UCK2: variants seen among roughly 807,000 people sequenced by gnomAD.
UCK2 encodes the protein uridine-cytidine kinase 2.
In UCK2, 6 loss-of-function variants were observed where a neutral mutation model predicts 30.8. That is an observed-to-expected ratio of 0.19 (90% CI 0.11 to 0.38). The LOEUF (loss-of-function observed/expected upper bound fraction) is 0.38, where lower values mean the gene tolerates loss of function less well. UCK2 is among the 10% of genes least tolerant of loss of function. UCK2 has a pLI of 1.00. For synonymous variants in UCK2, 125 were observed against 133.6 expected (o/e 0.94, Z 0.45); for missense variants, 210 against 339.8 (o/e 0.62, Z 3.00).
chr1:165,865,210 A>G (rs1264022158), intron 1 of UCK2, among the ~76,000 whole-genome samples: 4 of 152,166 alleles, frequency 2.6e-5, no homozygotes, highest in African/African-American at 9.7e-5. Context: ...TCCTAAGTTA[A>G]TTTTTTGTTG....
intron 1 of UCK2, among the ~76,000 whole-genome samples, chr1:165,873,353 A>G (rs1023349014): frequency 1.3e-5 from 2 of 152,232 alleles, no homozygotes; most frequent in African/African-American, 4.8e-5. Flanking sequence ...TCTTGGACAC[A>G]AGCTACCATG....
At position 165,911,063 on chromosome 1, in the gene UCK2, T is replaced by C. The variant is rs945710167; in HGVS notation, c.*3240T>C. On this transcript the variant is annotated 3_prime_UTR_variant, in exon 7 of 7. Transcript: ENST00000367879. Reference sequence around the variant, plus strand: ...TGACCTGCACTGGCCCTCACAGCTGTTGGAGGGAAGTAGCCTCTTGCAGGG... The same window carrying C: ...TGACCTGCACTGGCCCTCACAGCTGCTGGAGGGAAGTAGCCTCTTGCAGGG... The C allele has an allele frequency of 2.0e-5, 3 of 152,260 alleles. No individual in the cohort carries two copies. The highest frequency in any genetic ancestry group is 7.2e-5 in the African/African-American group (3 of 41,442). The allele number at this position is 152,260 out of a possible 1,614,324, so 9.4% of individuals were successfully genotyped here. A position where few individuals can be genotyped will look rare whatever the true frequency, so the allele number is the denominator to read the frequency against.
intron 4 of UCK2, among the ~76,000 whole-genome samples, chr1:165,897,369 G>A (rs948470619): frequency 6.6e-6 from 1 of 152,172 alleles, no homozygotes; most frequent in African/African-American, 2.4e-5. Context: ...CTAGACGAGA[G>A]GCAGGGCTGT....
At chr1:165,893,592 A>G (rs1379378895) in intron 3 of UCK2, among the ~76,000 whole-genome samples, 1 of 152,224 alleles carries the variant, frequency 6.6e-6, no homozygotes, top group Non-Finnish European at 1.5e-5. Context: ...TTTCCCCATA[A>G]GCCAAATGAG....
intron 3 of UCK2, chr1:165,891,550 G>A (rs1310258795): frequency 6.0e-5 from 29 of 480,004 alleles, no homozygotes; most frequent in Non-Finnish European, 9.7e-5. Context: ...CTGTTGTCAC[G>A]ATTCCTTAAC....
rs1357846760 is a variant in UCK2, at chr1:165,909,140, A to C, written c.*1317A>C. On this transcript the variant is annotated 3_prime_UTR_variant, in exon 7 of 7. Coordinates refer to ENST00000367879, the MANE Select transcript of UCK2 (RefSeq NM_012474.5). The stretch of plus-strand genomic sequence containing the variant: ...TGAGGTTGAAATATTTGGGGTGGAG[A>C]TTTCTAGCTTTCCTGAGAGCTGCTG... The C allele has an allele frequency of 6.6e-6, 1 of 151,926 alleles. No homozygotes were observed. Among genetic ancestry groups the C allele is most frequent in the Non-Finnish European group, 1.5e-5 (1 of 67,970 alleles). The allele number at this position is 151,926 out of a possible 1,614,324, so 9.4% of individuals were successfully genotyped here.
At chr1:165,869,124 C>T (rs1267734849) in intron 1 of UCK2, among the ~76,000 whole-genome samples, 6 of 152,116 alleles carry the variant, frequency 3.9e-5, no homozygotes, top group African/African-American at 1.2e-4. Context: ...ATTCAATTTG[C>T]CATTTTATAT....
intron 1 of UCK2, among the ~76,000 whole-genome samples, chr1:165,888,963 A>G (rs1484068305): frequency 6.6e-6 from 1 of 152,180 alleles, no homozygotes; most frequent in Non-Finnish European, 1.5e-5. Flanking sequence ...CCTTTTACGA[A>G]GAGTATATTG....
intron 1 of UCK2, among the ~76,000 whole-genome samples, chr1:165,830,662 C>G (rs551026833): frequency 6.6e-6 from 1 of 152,162 alleles, no homozygotes; most frequent in Non-Finnish European, 1.5e-5. Context: ...CCATGTTGCC[C>G]AAGCTTGTTT....
At chr1:165,844,409 C>T (rs944373292) in intron 1 of UCK2, among the ~76,000 whole-genome samples, 16 of 152,322 alleles carry the variant, frequency 1.1e-4, no homozygotes, top group Non-Finnish European at 5.9e-5. Context: ...CACAGAGCTC[C>T]TAAAACCCTG....
intron 4 of UCK2, among the ~76,000 whole-genome samples, chr1:165,896,541 G>A (rs1290233909): frequency 1.3e-5 from 2 of 152,236 alleles, no homozygotes; most frequent in African/African-American, 4.8e-5. Context: ...GAAGGGATTA[G>A]TCACTTACTG....
chr1:165,878,780 C>G (rs957285764), intron 1 of UCK2, among the ~76,000 whole-genome samples: 1 of 152,216 alleles, frequency 6.6e-6, no homozygotes, highest in African/African-American at 2.4e-5. Context: ...TCTATAAATA[C>G]CATGCGCAAG....
Position 165,910,793 on chromosome 1 carries a change from C to G in UCK2, c.*2970C>G, listed in dbSNP as rs890172916. The G allele has an allele frequency of 6.6e-6, 1 of 152,322 alleles. No homozygotes were observed. Among genetic ancestry groups the G allele is most frequent in the Non-Finnish European group, 1.5e-5 (1 of 68,132 alleles). 9.4% of individuals were successfully genotyped at this position (152,322 alleles called of 1,614,324 possible). A position where few individuals can be genotyped will look rare whatever the true frequency, so the allele number is the denominator to read the frequency against. On this transcript the variant is annotated 3_prime_UTR_variant, in exon 7 of 7. Coordinates refer to ENST00000367879, the MANE Select transcript of UCK2 (RefSeq NM_012474.5). Reference sequence around the variant, plus strand: ...CACCTTGCCGCAGAACTAGCCTAATCATCCCTGCTTCTGGTCTTGGCCACT... The same window carrying G: ...CACCTTGCCGCAGAACTAGCCTAATGATCCCTGCTTCTGGTCTTGGCCACT...
intron 4 of UCK2, among the ~76,000 whole-genome samples, chr1:165,897,167 A>G (rs1185943831): frequency 1.3e-5 from 2 of 151,758 alleles, no homozygotes; most frequent in East Asian, 3.9e-4. Flanking sequence ...GAGACACTAC[A>G]AAGTAGGTTG....
intron 1 of UCK2, among the ~76,000 whole-genome samples, chr1:165,864,485 T>G (rs1357032813): frequency 6.6e-6 from 1 of 152,132 alleles, no homozygotes; most frequent in Non-Finnish European, 1.5e-5. Flanking sequence ...GATTATTGGG[T>G]ATACAAAAAG....
intron 1 of UCK2, 127 bp from the exon 2 acceptor site, chr1:165,890,077 G>A (rs962405313): frequency 4.9e-6 from 5 of 1,011,320 alleles, no homozygotes; most frequent in Non-Finnish European, 7.5e-6. Flanking sequence ...CACGATAGCT[G>A]CCTTTGGATT....
At chr1:165,841,015 G>T (rs1186443268) in intron 1 of UCK2, among the ~76,000 whole-genome samples, 1 of 151,900 alleles carries the variant, frequency 6.6e-6, no homozygotes. Context: ...CCTGCTAGAG[G>T]CAAGGTAGTG....
At position 165,907,783 on chromosome 1, in the gene UCK2, G is replaced by T. The variant is rs1647719619; in HGVS notation, c.746G>T (p.Arg249Leu). ...NGCLNGYTPS[R>L]KRQASESSSR... is the part of the protein sequence containing the mutation. ...TGTCTCAACGGCTACACCCCTTCAC[G>T]CAAGAGGCAGGCATCGGAGTCCAGC... Residue 249 changes from arginine (R) to leucine (L), a missense_variant, in exon 7 of 7, where the codon CGC (arginine) becomes CTC (leucine). Arg to Leu is a moderately radical substitution (Grantham distance 102). This residue lies in a region of UCK2 where 38 missense variants were observed against 45.4 expected (regional missense o/e 0.84). Transcript: ENST00000367879. 3 of 1,614,124 alleles carry T rather than the reference G, an allele frequency of 1.9e-6. No individual in the cohort carries two copies. Among genetic ancestry groups the T allele is most frequent in the South Asian group, 1.1e-5 (1 of 91,076 alleles).
intron 1 of UCK2, among the ~76,000 whole-genome samples, chr1:165,845,911 C>G (rs1654435133): frequency 1.3e-5 from 2 of 152,186 alleles, no homozygotes; most frequent in African/African-American, 4.8e-5. Flanking sequence ...CAGTGATCCT[C>G]CTGCCTCGGC....
Sources: allele counts gnomAD v4.1 joint callset (sites outside exome capture counted in the v4.1 genomes callset), GRCh38; gene constraint gnomAD v4.1.1; regional missense constraint gnomAD v4.1.1; transcripts MANE v1.5; gene names NCBI Gene and HGNC (gene_info 2026-07-23, HGNC 2026-07-21).